MDGA2: variants seen among roughly 807,000 people sequenced by gnomAD.
MDGA2 encodes MAM domain-containing glycosylphosphatidylinositol anchor protein 2.
MDGA2 carries 40 observed loss-of-function variants against 117.8 expected under a neutral mutation model. The ratio of observed to expected loss-of-function variants is 0.34; its 90% CI spans 0.26 to 0.44. MDGA2 has a LOEUF of 0.44. Among genes scored for constraint, MDGA2 ranks in the 20% least tolerant of loss-of-function variants. The probability of loss-of-function intolerance (pLI) is 1.00; values close to 1 mark genes in which losing one functional copy is unlikely to be tolerated. For missense variants in MDGA2, 1,123 were observed against 1,250.6 expected (o/e 0.90, Z 1.54); for synonymous variants, 452 against 439.0 (o/e 1.03, Z -0.37).
At chr14:47,092,345 C>G (rs994946301) in intron 6 of MDGA2, among the ~76,000 whole-genome samples, 1 of 152,030 alleles carries the variant, frequency 6.6e-6, no homozygotes, top group African/African-American at 2.4e-5. Flanking sequence ...TCACTTTTAC[C>G]TGAAAATAGA....
At chr14:47,652,763 C>T (rs2138273010) in intron 1 of MDGA2, among the ~76,000 whole-genome samples, 1 of 152,152 alleles carries the variant, frequency 6.6e-6, no homozygotes, top group Admixed American at 6.6e-5. Context: ...CTGCTCCCCT[C>T]CCCCCAGGCA....
intron 1 of MDGA2, among the ~76,000 whole-genome samples, chr14:47,380,668 C>G (rs1040271048): frequency 6.6e-6 from 1 of 151,928 alleles, no homozygotes; most frequent in Admixed American, 6.6e-5. Context: ...CAGGAAGAAT[C>G]TGAATCCCTG....
intron 1 of MDGA2, among the ~76,000 whole-genome samples, chr14:47,556,582 A>T (rs1895686788): frequency 2.0e-5 from 3 of 152,200 alleles, no homozygotes; most frequent in Admixed American, 2.0e-4. Context: ...TTGGATCCCT[A>T]ATACACCAGC....
At chr14:47,464,573 C>T (rs994708963) in intron 1 of MDGA2, among the ~76,000 whole-genome samples, 3 of 152,018 alleles carry the variant, frequency 2.0e-5, no homozygotes, top group African/African-American at 7.2e-5. Context: ...AAGGCAATCC[C>T]ATTCATAATT....
At chr14:47,178,958 C>T (rs1884590368) in intron 3 of MDGA2, among the ~76,000 whole-genome samples, 1 of 152,000 alleles carries the variant, frequency 6.6e-6, no homozygotes, top group African/African-American at 2.4e-5. Flanking sequence ...CTGCAAAGAG[C>T]TATCCATTAG....
At chr14:47,195,546 A>C (rs1194315698) in intron 3 of MDGA2, among the ~76,000 whole-genome samples, 1 of 152,098 alleles carries the variant, frequency 6.6e-6, no homozygotes, top group African/African-American at 2.4e-5. Flanking sequence ...CTTCATATTA[A>C]GGTTTCTTTT....
intron 3 of MDGA2, among the ~76,000 whole-genome samples, chr14:47,176,298 T>C (rs1273151591): frequency 6.6e-6 from 1 of 152,110 alleles, no homozygotes; most frequent in African/African-American, 2.4e-5. Context: ...TGAAAAAAAC[T>C]ACTTTAAAGT....
At chr14:47,272,264 AG>A (rs1193581512) in intron 2 of MDGA2, among the ~76,000 whole-genome samples, 2 of 152,140 alleles carry the variant, frequency 1.3e-5, no homozygotes, top group Non-Finnish European at 2.9e-5. Flanking sequence ...CAACCCCACG[AG>A]GGAGGCATCA....
intron 1 of MDGA2, among the ~76,000 whole-genome samples, chr14:47,612,008 T>A (rs1161282661): frequency 6.6e-6 from 1 of 152,124 alleles, no homozygotes; most frequent in African/African-American, 2.4e-5. Flanking sequence ...TACCACAGAA[T>A]CACAAGTTTA....
chr14:47,635,127 G>A (rs902754685), intron 1 of MDGA2, among the ~76,000 whole-genome samples: 1 of 151,998 alleles, frequency 6.6e-6, no homozygotes, highest in Non-Finnish European at 1.5e-5. Context: ...CAATATTTAT[G>A]AGTTGTATCA....
At chr14:47,668,350 T>C (rs1249525671) in intron 1 of MDGA2, among the ~76,000 whole-genome samples, 1 of 152,192 alleles carries the variant, frequency 6.6e-6, no homozygotes, top group Non-Finnish European at 1.5e-5. Context: ...TTTTAGTAAT[T>C]TGTAAAAAAC....
intron 1 of MDGA2, among the ~76,000 whole-genome samples, chr14:47,517,157 T>C (rs886133643): frequency 3.9e-5 from 6 of 152,258 alleles, no homozygotes; most frequent in Admixed American, 6.5e-5. Flanking sequence ...GAATCTTAGA[T>C]TGAATTTTTT....
intron 9 of MDGA2, among the ~76,000 whole-genome samples, chr14:46,932,097 T>C (rs1884602292): frequency 6.6e-6 from 1 of 152,144 alleles, no homozygotes; most frequent in Non-Finnish European, 1.5e-5. Context: ...GAAAATGCCA[T>C]ATAGCAGGAT....
At chr14:47,440,265 G>A (rs1208286348) in intron 1 of MDGA2, among the ~76,000 whole-genome samples, 4 of 152,120 alleles carry the variant, frequency 2.6e-5, no homozygotes, top group Non-Finnish European at 5.9e-5. Context: ...CCTTAATGAG[G>A]ACGTATAAAT....
At chr14:47,471,339 T>C (rs1430641710) in intron 1 of MDGA2, among the ~76,000 whole-genome samples, 1 of 151,954 alleles carries the variant, frequency 6.6e-6, no homozygotes, top group Non-Finnish European at 1.5e-5. Context: ...AGTGAGAAAG[T>C]TGTAAAATTG....
chr14:47,599,690 C>G (rs1014158658), intron 1 of MDGA2, among the ~76,000 whole-genome samples: 16 of 152,090 alleles, frequency 1.1e-4, no homozygotes, highest in African/African-American at 3.9e-4. Context: ...GTGTCCCCAT[C>G]TCTTCCTTTC....
intron 1 of MDGA2, among the ~76,000 whole-genome samples, chr14:47,556,450 T>C (rs189963557): frequency 6.6e-4 from 100 of 152,322 alleles, no homozygotes; most frequent in African/African-American, 2.3e-3. Flanking sequence ...TTGTTAGAAT[T>C]CTATGTATTT....
intron 1 of MDGA2, among the ~76,000 whole-genome samples, chr14:47,321,417 G>A (rs968240812): frequency 2.6e-5 from 4 of 152,174 alleles, no homozygotes; most frequent in Admixed American, 2.6e-4. Flanking sequence ...ACTAAAAGAT[G>A]CATTCTATTT....
intron 7 of MDGA2, among the ~76,000 whole-genome samples, chr14:47,056,298 T>G (rs891839566): frequency 2.0e-5 from 3 of 152,150 alleles, no homozygotes; most frequent in African/African-American, 7.2e-5. Flanking sequence ...ACTTTCATTT[T>G]GCAGATGTGA....
Sources: gnomAD v4.1 joint callset for allele counts (sites outside exome capture counted in the v4.1 genomes callset) on GRCh38, gnomAD v4.1.1 for gene constraint, MANE v1.5 for transcripts, NCBI Gene and HGNC (gene_info 2026-07-23, HGNC 2026-07-21) for gene names.